Variants in CATSPERE observed in about 807,000 individuals in gnomAD.
CATSPERE encodes catsper channel auxiliary subunit epsilon.
CATSPERE carries 93 observed loss-of-function variants against 114.1 expected under a neutral mutation model. The observed-to-expected ratio is 0.81, with a 90% CI of 0.69 to 0.97. The LOEUF is 0.97. Among genes scored for constraint, CATSPERE ranks in the 50% least tolerant of loss-of-function variants. The pLI, the probability that CATSPERE is intolerant of heterozygous loss-of-function variation, is 0.00. For synonymous variants in CATSPERE, 341 were observed against 384.1 expected (o/e 0.89, Z 1.31); for missense variants, 1,058 against 1,131.6 (o/e 0.93, Z 0.93).
intron 10 of CATSPERE, among the ~76,000 whole-genome samples, chr1:244,564,457 G>T (rs1274835135): frequency 6.6e-6 from 1 of 152,078 alleles, no homozygotes; most frequent in Admixed American, 6.6e-5. Flanking sequence ...TCCTTGAAGA[G>T]GTCCTTTACA....
chr1:244,501,379 G>T lies in CATSPERE; in HGVS notation c.429+2300G>T, dbSNP rs138467066. ...TTTGTTACAAATTTACCTCTTTCAA[G>T]ATTTAAATTTTGTCTTCTGTTACAA... On this transcript the variant is annotated intron_variant, in intron 7 of 21. Coordinates refer to ENST00000366534, the MANE Select transcript of CATSPERE (RefSeq NM_001130957.2). 4.8e-3 allele frequency among the ~76,000 whole-genome samples: 733 copies of T among 152,216 alleles called. 10 individuals are homozygous for T. Among genetic ancestry groups the T allele is most frequent in the African/African-American group, 0.017 (711 of 41,540 alleles).
At chr1:244,566,668 TTTTTTTTTTTTTTTTTTTTG>T (rs1469320617) in intron 10 of CATSPERE, among the ~76,000 whole-genome samples, 519 of 77,354 alleles carry the variant, frequency 6.7e-3, no homozygotes, top group African/African-American at 0.033. Context: ...TTTTTTTTTT[TTTTTTTTTTTTTTTTTTTTG>T]CTTTCCATTT....
intron 4 of CATSPERE, among the ~76,000 whole-genome samples, chr1:244,479,344 C>T (rs756663225): frequency 2.0e-5 from 3 of 152,204 alleles, no homozygotes; most frequent in South Asian, 2.1e-4. Context: ...CCACCCACCT[C>T]GGCCTCCCAA....
Position 244,563,473 on chromosome 1 carries a change from G to A in CATSPERE, c.1507+2328G>A, listed in dbSNP as rs188692540. Among the ~76,000 whole-genome samples, 180 of 152,316 alleles carry A rather than the reference G, an allele frequency of 1.2e-3. 2 individuals are homozygous for A. Among genetic ancestry groups the A allele is most frequent in the African/African-American group, 4.2e-3 (174 of 41,584 alleles). ...ATCACCATTCTAACTGACGTGAGAC[G>A]GTATGTCATTGTGGTTTTGATTTGC... On this transcript the variant is annotated intron_variant, in intron 10 of 21. Coordinates refer to ENST00000366534, the MANE Select transcript of CATSPERE (RefSeq NM_001130957.2).
chr1:244,635,715 G>A (rs1227671616), intron 21 of CATSPERE, among the ~76,000 whole-genome samples, 173 bp downstream of exon 21: 2 of 152,096 alleles, frequency 1.3e-5, no homozygotes, highest in Non-Finnish European at 2.9e-5. Context: ...AGTATATAAT[G>A]CAAATGAATC....
intron 2 of CATSPERE, among the ~76,000 whole-genome samples, chr1:244,466,677 T>C (rs114483018): frequency 1.3e-5 from 2 of 152,298 alleles, no homozygotes; most frequent in Non-Finnish European, 2.9e-5. Flanking sequence ...CTCACCAAAC[T>C]GTTGGGAGGG....
chr1:244,490,478 TA>T lies in CATSPERE; in HGVS notation c.351+8del. ...CTTTAACAACTTTACCCAGGTAAAA[TA>T]TTTTTTAAATTTTGTATAGCCTTCA... is the stretch of plus-strand genomic sequence containing the variant. On this transcript the variant is annotated splice_region_variant and intron_variant, in intron 6 of 21. Transcript: ENST00000366534. 1 of 1,498,528 alleles carries T rather than the reference TA, an allele frequency of 6.7e-7. No individual in the cohort carries two copies. The highest frequency in any genetic ancestry group is 9.3e-7 in the Non-Finnish European group (1 of 1,080,268). The allele number at this position is 1,498,528 out of a possible 1,614,324, so 92.8% of individuals were successfully genotyped here.
At chr1:244,622,550 T>C (rs1185238319) in intron 20 of CATSPERE, among the ~76,000 whole-genome samples, 2 of 151,938 alleles carry the variant, frequency 1.3e-5, no homozygotes, top group Non-Finnish European at 2.9e-5. Context: ...ATTACAGACA[T>C]GTGCCACCAC....
At chr1:244,518,771 T>G in intron 8 of CATSPERE, 73 bp downstream of exon 8, 4 of 776,076 alleles carry the variant, frequency 5.2e-6, no homozygotes, top group Admixed American at 3.1e-5. Flanking sequence ...CTAGTGGAAC[T>G]TAATGAAATG....
upstream of CATSPERE, chr1:244,451,546 C>T: frequency 2.1e-6 from 3 of 1,404,730 alleles, no homozygotes; most frequent in Non-Finnish European, 2.9e-6. This position sits in a 1 kb window ranked among gnomAD's most constrained non-coding sequence, Gnocchi z 6.6. Context: ...CCAGTGGATC[C>T]GGGTTCTGGG....
intron 8 of CATSPERE, among the ~76,000 whole-genome samples, chr1:244,542,956 AAAGAT>A (rs1659097998): frequency 1.3e-5 from 2 of 152,260 alleles, no homozygotes; most frequent in African/African-American, 2.4e-5. Context: ...CAAAAAGACA[AAAGAT>A]AAGAAGTATT....
intron 8 of CATSPERE, among the ~76,000 whole-genome samples, chr1:244,543,384 TAGA>T (rs1659182195): frequency 6.6e-6 from 1 of 151,884 alleles, no homozygotes; most frequent in Non-Finnish European, 1.5e-5. Context: ...GAGCCAGGCA[TAGA>T]AGGACAGATA....
chr1:244,567,673 G>A (rs977099678), intron 10 of CATSPERE, among the ~76,000 whole-genome samples: 8 of 151,460 alleles, frequency 5.3e-5, no homozygotes, highest in African/African-American at 4.9e-5. Flanking sequence ...CAAAGTTCTC[G>A]TGCTGTGAAG....
At chr1:244,589,038 G>A (rs925865837) in intron 14 of CATSPERE, among the ~76,000 whole-genome samples, 7 of 152,174 alleles carry the variant, frequency 4.6e-5, no homozygotes, top group African/African-American at 1.2e-4. Context: ...GAATCCCAAC[G>A]TGTGAATTTT....
upstream of CATSPERE, among the ~76,000 whole-genome samples, chr1:244,454,121 C>A (rs542939516): frequency 6.6e-6 from 1 of 152,228 alleles, no homozygotes; most frequent in South Asian, 2.1e-4. Flanking sequence ...GGAAGTCCAG[C>A]AGACCTAACT....
intron 8 of CATSPERE, among the ~76,000 whole-genome samples, chr1:244,543,991 A>C (rs1474561810): frequency 6.6e-6 from 1 of 152,112 alleles, no homozygotes; most frequent in African/African-American, 2.4e-5. Flanking sequence ...AAAGTCAGAT[A>C]CCTAACTCAA....
chr1:244,517,813 A>G (rs765865286), intron 7 of CATSPERE, among the ~76,000 whole-genome samples: 1 of 151,830 alleles, frequency 6.6e-6, no homozygotes, highest in Admixed American at 6.6e-5. Context: ...TCTTCAGGAA[A>G]GGCCTTCCCT....
chr1:244,467,412 G>C (rs1667769882), intron 2 of CATSPERE, among the ~76,000 whole-genome samples: 1 of 152,164 alleles, frequency 6.6e-6, no homozygotes, highest in South Asian at 2.1e-4. Flanking sequence ...ATTACAGGGA[G>C]ATGTAATTAC....
At chr1:244,594,448 T>C (rs968574690) in intron 17 of CATSPERE, among the ~76,000 whole-genome samples, 12 of 152,260 alleles carry the variant, frequency 7.9e-5, no homozygotes, top group Admixed American at 3.3e-4. Flanking sequence ...TGGCTTATTA[T>C]TATAAAAGTT....
Sources: allele counts gnomAD v4.1 joint callset (sites outside exome capture counted in the v4.1 genomes callset), GRCh38; gene constraint gnomAD v4.1.1; non-coding constraint Gnocchi (gnomAD v3.1); transcripts MANE v1.5; gene names NCBI Gene and HGNC (gene_info 2026-07-23, HGNC 2026-07-21).